Variants in AKAP19 observed in about 807,000 individuals in gnomAD.
AKAP19 encodes the protein small A-kinase anchoring protein.
At chr2:190,038,955 CTTCTTCTTCTTCTTCT>C in the AKAP19 span, among the ~76,000 whole-genome samples, 14 of 145,572 alleles carry the variant, frequency 9.6e-5, no homozygotes, top group Non-Finnish European at 1.8e-4. Flanking sequence ...TCTTCTTCTT[CTTCTTCTTCTTCTTCT>C]TTCTTCTTCT....
the AKAP19 span, among the ~76,000 whole-genome samples, chr2:189,971,554 G>A: frequency 1.3e-5 from 2 of 152,156 alleles, no homozygotes; most frequent in East Asian, 1.9e-4. Flanking sequence ...CTAAGAAATC[G>A]CCACACTGTC....
the AKAP19 span, among the ~76,000 whole-genome samples, chr2:190,053,673 C>A: frequency 6.6e-6 from 1 of 151,952 alleles, no homozygotes; most frequent in Non-Finnish European, 1.5e-5. Flanking sequence ...CCTATAGTTT[C>A]ATTTCTTAGT....
chr2:190,138,708 T>C, the AKAP19 span, among the ~76,000 whole-genome samples: 1 of 152,202 alleles, frequency 6.6e-6, no homozygotes, highest in Non-Finnish European at 1.5e-5. Flanking sequence ...AGGAGCTTAC[T>C]TCATTTTCAG....
At chr2:190,103,697 C>T in the AKAP19 span, among the ~76,000 whole-genome samples, 1 of 152,072 alleles carries the variant, frequency 6.6e-6, no homozygotes, top group Admixed American at 6.6e-5. Context: ...ATGACACAAA[C>T]AAATGGAAAA....
chr2:189,891,203 T>C, the AKAP19 span, among the ~76,000 whole-genome samples: 7 of 151,264 alleles, frequency 4.6e-5, no homozygotes, highest in Admixed American at 2.0e-4. Flanking sequence ...AAATTCTAGG[T>C]TGAAAGTTCT....
At chr2:189,929,494 A>G in the AKAP19 span, among the ~76,000 whole-genome samples, 2 of 152,168 alleles carry the variant, frequency 1.3e-5, no homozygotes, top group African/African-American at 4.8e-5. Flanking sequence ...CAAAATAATT[A>G]GATAAAACAC....
chr2:190,138,580 A>G, the AKAP19 span, among the ~76,000 whole-genome samples: 2 of 152,090 alleles, frequency 1.3e-5, no homozygotes, highest in Middle Eastern at 3.2e-3. Flanking sequence ...CTCCTTGCTC[A>G]TTTTCTTACA....
chr2:190,042,613 A>G, the AKAP19 span, among the ~76,000 whole-genome samples: 1 of 151,856 alleles, frequency 6.6e-6, no homozygotes, highest in African/African-American at 2.4e-5. Flanking sequence ...TTAGGTTGTT[A>G]ATTTGAGACC....
the AKAP19 span, among the ~76,000 whole-genome samples, chr2:190,147,746 T>TG: frequency 0.019 from 2,802 of 151,110 alleles, 41 homozygotes; most frequent in Middle Eastern, 0.041. Context: ...AAGGTTTTTT[T>TG]TTTGTTGTTG....
chr2:190,041,713 T>G, the AKAP19 span, among the ~76,000 whole-genome samples: 1 of 152,162 alleles, frequency 6.6e-6, no homozygotes, highest in African/African-American at 2.4e-5. Flanking sequence ...TATTGAGAGT[T>G]TTTATGTTGA....
the AKAP19 span, among the ~76,000 whole-genome samples, chr2:190,155,005 G>A: frequency 1.3e-5 from 2 of 152,198 alleles, no homozygotes; most frequent in Admixed American, 1.3e-4. Context: ...TGCACTGGAA[G>A]AGAAAGCCAG....
the AKAP19 span, among the ~76,000 whole-genome samples, chr2:190,028,007 T>C: frequency 6.4e-4 from 98 of 152,280 alleles, no homozygotes; most frequent in African/African-American, 2.1e-3. Context: ...ACTGCCTTTT[T>C]TTAGTAACCC....
the AKAP19 span, among the ~76,000 whole-genome samples, chr2:190,041,768 A>G: frequency 6.6e-6 from 1 of 152,120 alleles, no homozygotes. Context: ...ATCTATTGAG[A>G]TTAATCATGT....
the AKAP19 span, among the ~76,000 whole-genome samples, chr2:190,002,171 A>G: frequency 2.0e-5 from 3 of 152,206 alleles, no homozygotes; most frequent in African/African-American, 7.2e-5. Context: ...GCAATATTTC[A>G]TATATAAATG....
chr2:189,968,072 T>A, the AKAP19 span, among the ~76,000 whole-genome samples: 1 of 152,024 alleles, frequency 6.6e-6, no homozygotes, highest in Non-Finnish European at 1.5e-5. Context: ...CAGTGTGTTG[T>A]AAGTTGAGAG....
the AKAP19 span, among the ~76,000 whole-genome samples, chr2:190,169,456 C>T: frequency 4.6e-5 from 7 of 152,256 alleles, no homozygotes; most frequent in East Asian, 5.8e-4. Flanking sequence ...GATAAAGATA[C>T]GGAAGATTAG....
chr2:189,892,978 C>G, the AKAP19 span, among the ~76,000 whole-genome samples: 22 of 152,180 alleles, frequency 1.4e-4, no homozygotes, highest in Admixed American at 1.4e-3. Context: ...GCAGCTTTGC[C>G]TAGCTGCGGT....
the AKAP19 span, chr2:190,200,286 C>A: frequency 1.4e-6 from 1 of 705,556 alleles, no homozygotes; most frequent in Non-Finnish European, 2.4e-6. Context: ...ATTATAAGAA[C>A]AACTAGGATG....
chr2:189,925,684 G>A, the AKAP19 span, among the ~76,000 whole-genome samples: 1 of 152,262 alleles, frequency 6.6e-6, no homozygotes, highest in East Asian at 1.9e-4. Context: ...AGGAATGTGA[G>A]ATGAGACGCC....
Sources: gnomAD v4.1 joint callset for allele counts (sites outside exome capture counted in the v4.1 genomes callset) on GRCh38, gnomAD v4.1.1 for gene constraint, MANE v1.5 for transcripts, NCBI Gene and HGNC (gene_info 2026-07-23, HGNC 2026-07-21) for gene names.